Variants in LPGAT1 observed in about 807,000 individuals in gnomAD.
LPGAT1 encodes the protein acyl-CoA:lysophosphatidylglycerol acyltransferase 1.
In LPGAT1, 11 loss-of-function variants were observed where a neutral mutation model predicts 47.5. The observed-to-expected ratio is 0.23, with a 90% CI of 0.15 to 0.38. The LOEUF is 0.38. Ranked by LOEUF, LPGAT1 falls within the 10% of genes least tolerant of loss-of-function variation. The pLI, the probability that LPGAT1 is intolerant of heterozygous loss-of-function variation, is 1.00. For synonymous variants in LPGAT1, 138 were observed against 144.2 expected, an observed-to-expected ratio of 0.96 and a Z score of 0.31; for missense variants, 293 against 439.0, an observed-to-expected ratio of 0.67 and a Z score of 2.97.
rs796577084 is a variant in LPGAT1, at chr1:211,785,610, CT to C, written c.453+2021del. Among the ~76,000 whole-genome samples, 279 of 140,700 alleles carry C rather than the reference CT, an allele frequency of 2.0e-3. 1 individual carries two copies. Among genetic ancestry groups the C allele is most frequent in the African/African-American group, 3.2e-3 (122 of 38,460 alleles). 92.3% of individuals were successfully genotyped at this position (140,700 alleles called of 152,430 possible). A position where few individuals can be genotyped will look rare whatever the true frequency, so the allele number is the denominator to read the frequency against. On this transcript the variant is annotated intron_variant, in intron 4 of 7. Coordinates refer to ENST00000366997, the MANE Select transcript of LPGAT1 (RefSeq NM_014873.3). ...CCGATAATCTAGTATAATTTAGCCT[CT>C]TTTTTTTTTTTTTGAGATGGAATCT...
At position 211,747,887 on chromosome 1, in the gene LPGAT1, C is replaced by A. The variant is rs11119806; in HGVS notation, c.*2012G>T. ...AAAATTGCATTTTATAACAACCAGT[C>A]CCCAAACCAAACACATTAACACTGT... On this transcript the variant is annotated 3_prime_UTR_variant, in exon 8 of 8. Coordinates refer to ENST00000366997, the MANE Select transcript of LPGAT1 (RefSeq NM_014873.3). The A allele has an allele frequency of 0.34, 51,180 of 152,470 alleles. 10,156 individuals carry two copies. Among genetic ancestry groups the A allele is most frequent in the East Asian group, 0.72 (3,704 of 5,178 alleles). The allele number at this position is 152,470 out of a possible 1,614,324, so 9.4% of individuals were successfully genotyped here. A position where few individuals can be genotyped will look rare whatever the true frequency, so the allele number is the denominator to read the frequency against.
At chr1:211,811,762 A>G (rs1659997873) in intron 2 of LPGAT1, among the ~76,000 whole-genome samples, 1 of 98,880 alleles carries the variant, frequency 1.0e-5, no homozygotes, top group Non-Finnish European at 2.7e-5. Flanking sequence ...AGACTCTGCC[A>G]TCCCGCCACT....
intron 6 of LPGAT1, 152 bp from the exon 7 acceptor site, chr1:211,751,219 G>T (rs1657164860): frequency 5.1e-6 from 3 of 589,094 alleles, no homozygotes; most frequent in African/African-American, 1.9e-5. Context: ...AGGTATCTTG[G>T]TTATTAAAAA....
At chr1:211,752,498 A>T (rs1657238835) in intron 6 of LPGAT1, among the ~76,000 whole-genome samples, 1 of 152,206 alleles carries the variant, frequency 6.6e-6, no homozygotes, top group Admixed American at 6.5e-5. Flanking sequence ...AGGAGACACC[A>T]GAGACCAGAC....
In LPGAT1 at chr1:211,792,711, C is replaced by CTTTT. The variant is rs34552405; in HGVS notation, c.357+357_357+360dup. Among the ~76,000 whole-genome samples, 998 of 104,578 alleles carry CTTTT rather than the reference C, an allele frequency of 9.5e-3. 57 individuals carry two copies. The highest frequency in any genetic ancestry group is 0.023 in the African/African-American group (615 of 27,140). 68.6% of individuals were successfully genotyped at this position (104,578 alleles called of 152,430 possible). A position where few individuals can be genotyped will look rare whatever the true frequency, so the allele number is the denominator to read the frequency against. On this transcript the variant is annotated intron_variant, in intron 3 of 7. Coordinates refer to ENST00000366997, the MANE Select transcript of LPGAT1 (RefSeq NM_014873.3). Reference sequence around the variant, plus strand: ...ACAGTAAGATATTTGAATTGATTCCCTTTTTTTTTTTTTTTTTTTGAGATG... The same window carrying CTTTT: ...ACAGTAAGATATTTGAATTGATTCCCTTTTTTTTTTTTTTTTTTTTTTTGAGATG...
intron 6 of LPGAT1, among the ~76,000 whole-genome samples, chr1:211,755,803 C>T (rs1026121186): frequency 2.6e-5 from 4 of 152,086 alleles, no homozygotes; most frequent in African/African-American, 7.2e-5. Flanking sequence ...CAGAAAATAA[C>T]TCTCCCATTC....
At chr1:211,790,691 A>G (rs1044219682) in intron 3 of LPGAT1, among the ~76,000 whole-genome samples, 1 of 152,206 alleles carries the variant, frequency 6.6e-6, no homozygotes, top group Non-Finnish European at 1.5e-5. Context: ...AAATGAACCT[A>G]GCCTAACTAA....
At position 211,830,655 on chromosome 1, in the gene LPGAT1, G is replaced by T. The variant is rs1332912690; in HGVS notation, c.-110C>A. The T allele has an allele frequency of 5.0e-6, 6 of 1,201,344 alleles. No homozygotes were observed. In the African/African-American group the frequency reaches 6.3e-5, roughly 13 times the overall value. 74.4% of individuals were successfully genotyped at this position (1,201,344 alleles called of 1,614,324 possible). A position where few individuals can be genotyped will look rare whatever the true frequency, so the allele number is the denominator to read the frequency against. ...ATGGCCGGCGGCGGGGCCGGCGGAA[G>T]AAGGCGGTGGCGGGGCCCTGCCCCG... is the stretch of plus-strand genomic sequence containing the variant. On this transcript the variant is annotated 5_prime_UTR_variant, in exon 1 of 8. Coordinates refer to ENST00000366997, the MANE Select transcript of LPGAT1 (RefSeq NM_014873.3). This position sits in a 1 kb window ranked among gnomAD's most constrained non-coding sequence, Gnocchi z 5.9.
chr1:211,766,204 A>G (rs1027465153), intron 6 of LPGAT1, among the ~76,000 whole-genome samples: 10 of 152,108 alleles, frequency 6.6e-5, no homozygotes, highest in Admixed American at 5.9e-4. Flanking sequence ...AGAACTGACA[A>G]CGTTGGCTCC....
In LPGAT1 at chr1:211,765,615, C is replaced by A. The variant is rs567109897; in HGVS notation, c.854+13303G>T. ...CTAAAAGTGAAAAAGACATGGTAAACCCCCAAAGAGTCAAGGAGGTGGGGA... is the reference window on the plus strand; with the variant it reads ...CTAAAAGTGAAAAAGACATGGTAAAACCCCAAAGAGTCAAGGAGGTGGGGA... On this transcript the variant is annotated intron_variant, in intron 6 of 7. Coordinates refer to ENST00000366997, the MANE Select transcript of LPGAT1 (RefSeq NM_014873.3). Among the ~76,000 whole-genome samples, 39 of 152,224 alleles carry A rather than the reference C, an allele frequency of 2.6e-4. 1 individual carries two copies. The South Asian group carries it at 6.0e-3, about 23-fold the overall frequency.
intron 5 of LPGAT1, among the ~76,000 whole-genome samples, chr1:211,779,877 TAA>T (rs781767133): frequency 2.1e-5 from 3 of 142,036 alleles, no homozygotes; most frequent in Non-Finnish European, 4.6e-5. Flanking sequence ...AATAAATAAA[TAA>T]ATAAACATAA....
intron 6 of LPGAT1, among the ~76,000 whole-genome samples, chr1:211,759,163 GT>G (rs1657585976): frequency 6.6e-6 from 1 of 152,142 alleles, no homozygotes; most frequent in Non-Finnish European, 1.5e-5. Flanking sequence ...TTTAGTTCAG[GT>G]TTTGGTGTCA....
intron 2 of LPGAT1, among the ~76,000 whole-genome samples, chr1:211,819,326 C>T (rs1057396858): frequency 6.6e-6 from 1 of 152,114 alleles, no homozygotes; most frequent in African/African-American, 2.4e-5. Flanking sequence ...GGCCCCATCT[C>T]TACAAGAAAA....
chr1:211,795,002 C>T (rs1309295565), intron 2 of LPGAT1, among the ~76,000 whole-genome samples: 3 of 152,094 alleles, frequency 2.0e-5, no homozygotes, highest in African/African-American at 7.2e-5. Flanking sequence ...GAAAGAGAAG[C>T]TAACTCAAAT....
rs150865977 is a variant in LPGAT1 at position 211,805,724 on chromosome 1, A to G, written c.239-12534T>C. Among the ~76,000 whole-genome samples, 42 of 152,328 alleles carry G rather than the reference A, an allele frequency of 2.8e-4. 1 individual carries two copies. The highest frequency in any genetic ancestry group is 9.4e-4 in the African/African-American group (39 of 41,590). On this transcript the variant is annotated intron_variant, in intron 2 of 7. Transcript: ENST00000366997. ...CATACTCTACCTGACATTTCAAAAA[A>G]GAAATAATACAAACTGTATGCAATC...
rs879652506 is a variant in LPGAT1, at chr1:211,809,199, CA to C, written c.239-16010del. Among the ~76,000 whole-genome samples the C allele has an allele frequency of 1.7e-3, 246 of 143,724 alleles. 3 individuals carry two copies. The highest frequency in any genetic ancestry group is 4.4e-3 in the African/African-American group (173 of 39,438). 94.3% of individuals were successfully genotyped at this position (143,724 alleles called of 152,430 possible). A position where few individuals can be genotyped will look rare whatever the true frequency, so the allele number is the denominator to read the frequency against. ...CAGCCTGGGCGACAGTGCGAGACTC[CA>C]AAAAAAAAAAATTAATTGTGTTAAA... is the stretch of plus-strand genomic sequence containing the variant. On this transcript the variant is annotated intron_variant, in intron 2 of 7. Transcript: ENST00000366997.
At chr1:211,772,184 A>T (rs1658200115) in intron 6 of LPGAT1, among the ~76,000 whole-genome samples, 1 of 152,220 alleles carries the variant, frequency 6.6e-6, no homozygotes. Context: ...AAAGCCATTT[A>T]TTGGATAGTT....
At chr1:211,817,077 G>C (rs1475931919) in intron 2 of LPGAT1, among the ~76,000 whole-genome samples, 3 of 152,136 alleles carry the variant, frequency 2.0e-5, no homozygotes, top group Non-Finnish European at 2.9e-5. Context: ...TATTCCAAAT[G>C]ACATCCTAGT....
At chr1:211,794,998 G>C (rs928820057) in intron 2 of LPGAT1, among the ~76,000 whole-genome samples, 1 of 152,176 alleles carries the variant, frequency 6.6e-6, no homozygotes, top group Non-Finnish European at 1.5e-5. Flanking sequence ...ACTAGAAAGA[G>C]AAGCTAACTC....
Sources: gnomAD v4.1 joint callset for allele counts (sites outside exome capture counted in the v4.1 genomes callset) on GRCh38, gnomAD v4.1.1 for gene constraint, Gnocchi (gnomAD v3.1) non-coding constraint, MANE v1.5 for transcripts, NCBI Gene and HGNC (gene_info 2026-07-23, HGNC 2026-07-21) for gene names.